The following CDC27 variants were observed in gnomAD, a reference collection of about 807,000 sequenced individuals.
CDC27 encodes cell division cycle 27.
CDC27 carries 27 observed loss-of-function variants against 109.7 expected under a neutral mutation model. The observed-to-expected ratio is 0.25, with a 90% CI of 0.18 to 0.34. CDC27 has a LOEUF of 0.34. CDC27 is among the 10% of genes least tolerant of loss of function. The pLI, the probability that CDC27 is intolerant of heterozygous loss-of-function variation, is 1.00. For synonymous variants in CDC27, 266 were observed against 333.9 expected, an observed-to-expected ratio of 0.80 and a Z score of 2.22; for missense variants, 579 against 960.2, an observed-to-expected ratio of 0.60 and a Z score of 5.25.
At chr17:47,128,608 T>C (rs547979395) in intron 16 of CDC27, among the ~76,000 whole-genome samples, 1 of 152,282 alleles carries the variant, frequency 6.6e-6, no homozygotes, top group Non-Finnish European at 1.5e-5. Context: ...ATTTGGTTAA[T>C]GTCTGTTTTC....
intron 2 of CDC27, among the ~76,000 whole-genome samples, chr17:47,176,618 A>T (rs1359938100): frequency 6.6e-6 from 1 of 152,222 alleles, no homozygotes; most frequent in Non-Finnish European, 1.5e-5. Flanking sequence ...CTGTGTAAAG[A>T]TTTAGGAACA....
At position 47,129,380 on chromosome 17, in the gene CDC27, A is replaced by T; in HGVS notation, c.2160+13T>A. ...CAATACAACACTGAAGACCCTTAAG[A>T]TATTTATCTTACCTTATATTTTTCA... On this transcript the variant is annotated intron_variant, in intron 16 of 18. Coordinates refer to ENST00000066544, the MANE Select transcript of CDC27 (RefSeq NM_001256.6). 1.9e-6 allele frequency: 3 copies of T among 1,598,128 alleles called. No homozygotes were observed. The highest frequency in any genetic ancestry group is 2.6e-6 in the Non-Finnish European group (3 of 1,167,886).
intron 2 of CDC27, among the ~76,000 whole-genome samples, chr17:47,173,591 G>A (rs1226748228): frequency 6.6e-6 from 1 of 152,112 alleles, no homozygotes; most frequent in African/African-American, 2.4e-5. Context: ...CAGTAATGCT[G>A]TCTCAATTGT....
intron 9 of CDC27, among the ~76,000 whole-genome samples, chr17:47,150,858 C>T (rs1038755014): frequency 1.1e-4 from 17 of 152,200 alleles, no homozygotes; most frequent in African/African-American, 3.6e-4. Context: ...CATGGAGAAA[C>T]CCTGTCTTTA....
chr17:47,162,500 G>A (rs1011488630), intron 4 of CDC27, among the ~76,000 whole-genome samples: 5 of 151,948 alleles, frequency 3.3e-5, no homozygotes, highest in African/African-American at 4.8e-5. Context: ...AAGTAGCCCC[G>A]TCCCCTTGCT....
chr17:47,135,565 TA>T (rs1405226173), intron 14 of CDC27, among the ~76,000 whole-genome samples: 1 of 152,200 alleles, frequency 6.6e-6, no homozygotes, highest in African/African-American at 2.4e-5. Flanking sequence ...AACACTATGC[TA>T]ATGATAGTGA....
At position 47,143,958 on chromosome 17, in the gene CDC27, G is replaced by T; in HGVS notation, c.1095C>A (p.Pro365=). The T allele has an allele frequency of 6.8e-7, 1 of 1,470,178 alleles. No individual in the cohort carries two copies. 91.1% of individuals were successfully genotyped at this position (1,470,178 alleles called of 1,614,324 possible). ...QTSTTPQVLS[P]TITSPPNALP... is the part of the protein sequence containing the mutation. ...GTGCGTTTGGGGGAGATGTAATAGT[G>T]GGGCTCAATACCTGAGGTGTTGTAC... Residue 365 remains proline (P), a synonymous_variant, in exon 10 of 19, where the codon CCC becomes CCA. Coordinates refer to ENST00000066544, the MANE Select transcript of CDC27 (RefSeq NM_001256.6).
rs963829593 is a variant in CDC27 at position 47,177,254 on chromosome 17, T to TA, written c.103+4307dup. ...TGGGCAACATAGGGAGATCTTGACT[T>TA]AAAAAAAAATGTTTAAAAAGTACTA... is the stretch of plus-strand genomic sequence containing the variant. On this transcript the variant is annotated intron_variant, in intron 2 of 18. Coordinates refer to ENST00000066544, the MANE Select transcript of CDC27 (RefSeq NM_001256.6). 2.3e-4 allele frequency among the ~76,000 whole-genome samples: 35 copies of TA among 151,064 alleles called. 1 individual carries two copies. The highest frequency in any genetic ancestry group is 1.9e-3 in the South Asian group (9 of 4,792).
At chr17:47,147,609 A>C (rs1464287820) in intron 9 of CDC27, among the ~76,000 whole-genome samples, 2 of 152,200 alleles carry the variant, frequency 1.3e-5, no homozygotes, top group Non-Finnish European at 2.9e-5. Context: ...GAGGTGGCTC[A>C]TGCCTGTCGG....
intron 14 of CDC27, among the ~76,000 whole-genome samples, chr17:47,136,647 A>C (rs2062605411): frequency 6.6e-6 from 1 of 152,214 alleles, no homozygotes; most frequent in Non-Finnish European, 1.5e-5. Context: ...CACAAGTACA[A>C]AAAAGTAAAA....
At chr17:47,154,902 G>A in intron 7 of CDC27, 116 bp from the exon 8 acceptor site, 1 of 562,068 alleles carries the variant, frequency 1.8e-6, no homozygotes, top group Non-Finnish European at 3.2e-6. Flanking sequence ...CTTAGGGACA[G>A]TGAGGATCTG....
intron 8 of CDC27, among the ~76,000 whole-genome samples, chr17:47,152,323 T>C (rs1216351238): frequency 6.6e-6 from 1 of 152,036 alleles, no homozygotes; most frequent in East Asian, 1.9e-4. Flanking sequence ...CAGAAAAAAA[T>C]AATAATACGA....
chr17:47,127,622 C>CA (rs1221433472), intron 16 of CDC27, among the ~76,000 whole-genome samples: 1 of 152,028 alleles, frequency 6.6e-6, no homozygotes, highest in Non-Finnish European at 1.5e-5. Flanking sequence ...GGGCTGGCCT[C>CA]AAACTCCTGA....
In CDC27 at chr17:47,156,311, T is replaced by G. The variant is rs535332127; in HGVS notation, c.842+602A>C. Reference sequence around the variant, plus strand: ...GTGCCACCACACCCGGCTAGTTTTTTGTATTTTTAGTAGAGACGGGGTTTC... The same window carrying G: ...GTGCCACCACACCCGGCTAGTTTTTGGTATTTTTAGTAGAGACGGGGTTTC... On this transcript the variant is annotated intron_variant, in intron 7 of 18. Transcript: ENST00000066544. Among the ~76,000 whole-genome samples, 4 of 151,092 alleles carry G rather than the reference T, an allele frequency of 2.6e-5. No homozygotes were observed. The East Asian group carries it at 7.9e-4, about 30-fold the overall frequency.
At chr17:47,126,228 G>T (rs577017520) in intron 16 of CDC27, among the ~76,000 whole-genome samples, 3 of 152,140 alleles carry the variant, frequency 2.0e-5, no homozygotes, top group African/African-American at 7.2e-5. Flanking sequence ...CAAGTGACCA[G>T]GGAATGACAC....
chr17:47,157,324 C>T lies in CDC27; in HGVS notation c.536G>A (p.Cys179Tyr). 6.2e-7 allele frequency: 1 copy of T among 1,612,382 alleles called. No homozygotes were observed. Residue 179 changes from cysteine (C) to tyrosine (Y), a missense_variant, in exon 6 of 19, where the codon TGT becomes TAT. Physicochemically the swap from Cys to Tyr is radical, Grantham distance 194 (BLOSUM62 -2). Coordinates refer to ENST00000066544, the MANE Select transcript of CDC27 (RefSeq NM_001256.6). ...KFTSLQNFSNCLPNSCTTQVP... is the reference protein window; with the variant it reads ...KFTSLQNFSNYLPNSCTTQVP... Reference sequence around the variant, plus strand: ...TTGTGTTGTGCAAGAGTTGGGCAGACAGTTGCTAAAGTTCTGTAAAGATGT... The same window carrying T: ...TTGTGTTGTGCAAGAGTTGGGCAGATAGTTGCTAAAGTTCTGTAAAGATGT...
At chr17:47,126,245 A>C (rs560990444) in intron 16 of CDC27, among the ~76,000 whole-genome samples, 5 of 152,154 alleles carry the variant, frequency 3.3e-5, no homozygotes, top group Non-Finnish European at 5.9e-5. Context: ...ACACAGCCCC[A>C]GGAGATCCTG....
intron 15 of CDC27, 30 bp downstream of exon 15, chr17:47,132,227 T>TA (rs772069803): frequency 1.1e-5 from 11 of 959,868 alleles, no homozygotes; most frequent in Non-Finnish European, 1.8e-5. Context: ...GGGAGATTAA[T>TA]AGAGTATTAA....
chr17:47,142,272 G>C lies in CDC27; in HGVS notation c.1335C>G (p.Ile445Met). 1 of 1,606,416 alleles carries C rather than the reference G, an allele frequency of 6.2e-7. No homozygotes were observed. ...SIISEGKIST[I>M]TPQIQAFNLQ... ...GATTAAAGGCCTGAATCTGAGGTGT[G>C]ATTGTGGATATTTTCCCTTCTGAAA... is the stretch of plus-strand genomic sequence containing the variant. The change falls in exon 11 of 19, where the codon ATC (isoleucine) becomes ATG (methionine). Residue 445 changes from isoleucine (I) to methionine (M), a missense_variant. Ile to Met is a conservative substitution (Grantham distance 10, BLOSUM62 1). Coordinates refer to ENST00000066544, the MANE Select transcript of CDC27 (RefSeq NM_001256.6).
Sources: allele counts gnomAD v4.1 joint callset (sites outside exome capture counted in the v4.1 genomes callset), GRCh38; gene constraint gnomAD v4.1.1; transcripts MANE v1.5; gene names NCBI Gene and HGNC (gene_info 2026-07-23, HGNC 2026-07-21).